TMIGD3: variants seen among roughly 807,000 people sequenced by gnomAD.
The protein encoded by TMIGD3 is transmembrane and immunoglobulin domain containing 3, also known as AD026 protein (AD026).
In TMIGD3, 21 loss-of-function variants were observed where a neutral mutation model predicts 28.1. The observed-to-expected ratio is 0.75, with a 90% CI of 0.53 to 1.08. The LOEUF (loss-of-function observed/expected upper bound fraction) is 1.08. Among genes scored for constraint, TMIGD3 ranks in the 50% least tolerant of loss-of-function variants. The pLI is 0.00. For missense variants in TMIGD3, 416 were observed against 435.6 expected (o/e 0.96, Z 0.40); for synonymous variants, 151 against 162.1 (o/e 0.93, Z 0.52).
intron 1 of TMIGD3, among the ~76,000 whole-genome samples, chr1:111,538,747 G>A (rs989435758): frequency 7.2e-5 from 11 of 152,194 alleles, no homozygotes; most frequent in Non-Finnish European, 1.2e-4. Flanking sequence ...ATAAAAAAGG[G>A]TTCACGGGGC....
intron 1 of TMIGD3, chr1:111,500,764 A>G (rs1655134723): frequency 3.5e-6 from 2 of 576,588 alleles, no homozygotes; most frequent in Non-Finnish European, 6.0e-6. Flanking sequence ...GCAGACAACG[A>G]TTGGAGAAAA....
chr1:111,521,708 T>A (rs1014204448), intron 1 of TMIGD3, among the ~76,000 whole-genome samples: 4 of 152,250 alleles, frequency 2.6e-5, no homozygotes, highest in Admixed American at 2.6e-4. Context: ...TCTTTTCTCC[T>A]GGTTTGTGGC....
rs759385497 is a variant in TMIGD3, at chr1:111,500,493, T to C, written c.350+2512A>G. 5 of 1,614,196 alleles carry C rather than the reference T, an allele frequency of 3.1e-6. No homozygotes were observed. The South Asian group carries it at 5.5e-5, about 18-fold the overall frequency. On this transcript the variant is annotated intron_variant, in intron 1 of 5. Coordinates refer to ENST00000369716, the MANE Select transcript of TMIGD3 (RefSeq NM_020683.7). ...ACATGGGGGTCAATCCCACCAGGAA[T>C]GACACCAGCCAGCAAAGGCCCAGGG...
At chr1:111,506,956 T>TATATATACACACAC (rs1655519375), upstream of TMIGD3, among the ~76,000 whole-genome samples, 3 of 31,456 alleles carry the variant, frequency 9.5e-5, no homozygotes, top group Admixed American at 1.2e-3. Context: ...TACACACACA[T>TATATATACACACAC]ATATATATAC....
Position 111,503,226 on chromosome 1 carries a change from C to A in TMIGD3, c.129G>T (p.Leu43=). Residue 43 remains leucine (L), a synonymous_variant, in exon 1 of 6, where the codon CTG becomes CTT. Transcript: ENST00000369716. ...VICVVKLNPS[L]QTTTFYFIVS... ...CAATGAAATAGAAGGTGGTGGTCTG[C>A]AGGCTGGGGTTCAGCTTGACCACGC... 6.2e-7 allele frequency: 1 copy of A among 1,614,234 alleles called. No homozygotes were observed. The highest frequency in any genetic ancestry group is 1.7e-5 in the Admixed American group (1 of 60,020).
At chr1:111,517,876 G>A (rs947289561) in intron 1 of TMIGD3, among the ~76,000 whole-genome samples, 1 of 152,130 alleles carries the variant, frequency 6.6e-6, no homozygotes, top group Admixed American at 6.5e-5. Flanking sequence ...TAAAACCAGT[G>A]CCCCTCTCAG....
At chr1:111,552,253 T>C (rs1657292091) in intron 1 of TMIGD3, among the ~76,000 whole-genome samples, 1 of 152,184 alleles carries the variant, frequency 6.6e-6, no homozygotes, top group Non-Finnish European at 1.5e-5. Flanking sequence ...ACATTCATTC[T>C]CCTTCTTCTG....
rs747320012 is a variant in TMIGD3, at chr1:111,486,697, G to A, written c.806-45C>T. 2.6e-6 allele frequency: 4 copies of A among 1,535,952 alleles called. No individual in the cohort carries two copies. The African/African-American group carries it at 5.5e-5, about 21-fold the overall frequency. ...TTAAGTCAGGTGAGGCCCATAGCCAGGTCCTACCTCTGCCTCCCAGCTGCA... is the reference window on the plus strand; with the variant it reads ...TTAAGTCAGGTGAGGCCCATAGCCAAGTCCTACCTCTGCCTCCCAGCTGCA... On this transcript the variant is annotated intron_variant, in intron 3 of 5. Transcript: ENST00000369716.
intron 1 of TMIGD3, among the ~76,000 whole-genome samples, chr1:111,549,636 T>G (rs1571457938): frequency 7.1e-6 from 1 of 141,644 alleles, no homozygotes; most frequent in Non-Finnish European, 1.5e-5. Flanking sequence ...GGCAACAGAG[T>G]GAGACTCTGT....
chr1:111,555,169 T>C (rs770217179), intron 1 of TMIGD3, among the ~76,000 whole-genome samples: 1 of 151,630 alleles, frequency 6.6e-6, no homozygotes, highest in Non-Finnish European at 1.5e-5. Context: ...AGTTCGAGAC[T>C]AGCCTGGCCA....
chr1:111,538,242 T>G (rs1393306686), intron 1 of TMIGD3, among the ~76,000 whole-genome samples: 1 of 152,166 alleles, frequency 6.6e-6, no homozygotes, highest in Non-Finnish European at 1.5e-5. Flanking sequence ...ATGGACAAGA[T>G]CCTGTGCAGA....
At chr1:111,492,368 G>C (rs1654704297) in intron 1 of TMIGD3, among the ~76,000 whole-genome samples, 1 of 152,178 alleles carries the variant, frequency 6.6e-6, no homozygotes, top group Admixed American at 6.5e-5. Flanking sequence ...AAATATTGTT[G>C]TTATATTTTT....
chr1:111,507,636 C>T (rs17543173), upstream of TMIGD3, among the ~76,000 whole-genome samples: 10,579 of 152,326 alleles, frequency 0.069, 409 homozygotes, highest in South Asian at 0.097. Flanking sequence ...TAGAGCTGGT[C>T]CACGGGCAGC....
intron 1 of TMIGD3, among the ~76,000 whole-genome samples, chr1:111,517,701 A>G (rs1655913595): frequency 6.6e-6 from 1 of 152,216 alleles, no homozygotes; most frequent in Admixed American, 6.5e-5. Context: ...AGAGCTGTGA[A>G]GTGGATTCAA....
chr1:111,490,862 G>T, intron 1 of TMIGD3, 100 bp from the exon 2 acceptor site: 1 of 791,088 alleles, frequency 1.3e-6, no homozygotes. Flanking sequence ...AAGCAGTGCT[G>T]CCATGTATAG....
intron 3 of TMIGD3, among the ~76,000 whole-genome samples, chr1:111,487,463 C>T (rs1169057876): frequency 1.3e-5 from 2 of 149,784 alleles, no homozygotes; most frequent in Admixed American, 1.3e-4. Flanking sequence ...TAGAAAAGGA[C>T]ATCCTTTCTA....
upstream of TMIGD3, among the ~76,000 whole-genome samples, chr1:111,507,242 T>C (rs1423504816): frequency 6.6e-6 from 1 of 151,734 alleles, no homozygotes; most frequent in African/African-American, 2.4e-5. Context: ...GCCAACATAC[T>C]GAGACCCCAC....
At chr1:111,489,470 C>T (rs1654551164) in intron 2 of TMIGD3, 2 of 780,720 alleles carry the variant, frequency 2.6e-6, no homozygotes, top group African/African-American at 1.9e-5. Flanking sequence ...AACTTACCAC[C>T]TTCATAACAT....
chr1:111,519,716 A>G (rs1655991718), intron 1 of TMIGD3, among the ~76,000 whole-genome samples: 1 of 143,842 alleles, frequency 7.0e-6, no homozygotes, highest in Admixed American at 7.0e-5. Flanking sequence ...TTTTTTTGAG[A>G]TGGAGTCTCA....
Sources: gnomAD v4.1 joint callset for allele counts (sites outside exome capture counted in the v4.1 genomes callset) on GRCh38, gnomAD v4.1.1 for gene constraint, MANE v1.5 for transcripts, NCBI Gene and HGNC (gene_info 2026-07-23, HGNC 2026-07-21) for gene names.